Variants in STX8 observed in about 807,000 individuals in gnomAD.
The protein encoded by STX8 is syntaxin 8, also known as syntaxin-8.
STX8 carries 23 observed loss-of-function variants against 37.5 expected under a neutral mutation model. That is an observed-to-expected ratio of 0.61 (90% CI 0.44 to 0.87). STX8 has a LOEUF of 0.87. STX8 is among the 40% of genes least tolerant of loss of function. The pLI is 0.00. For synonymous variants in STX8, 115 were observed against 99.1 expected (o/e 1.16, Z -0.95); for missense variants, 313 against 284.7 (o/e 1.10, Z -0.71).
chr17:9,544,726 C>T (rs1176707793), intron 4 of STX8, among the ~76,000 whole-genome samples: 1 of 152,200 alleles, frequency 6.6e-6, no homozygotes, highest in Non-Finnish European at 1.5e-5. Flanking sequence ...GGCGCAGTGG[C>T]TCACACCTGT....
intron 6 of STX8, among the ~76,000 whole-genome samples, chr17:9,433,341 A>T (rs9916292): frequency 6.6e-6 from 1 of 152,120 alleles, no homozygotes; most frequent in Non-Finnish European, 1.5e-5. Flanking sequence ...TTTCCACTTC[A>T]TAGCTTTGTC....
At chr17:9,294,634 T>G (rs1179463775) in intron 7 of STX8, among the ~76,000 whole-genome samples, 1 of 152,062 alleles carries the variant, frequency 6.6e-6, no homozygotes, top group East Asian at 1.9e-4. Context: ...CAGAGGAGGG[T>G]ACTTCATTGA....
intron 6 of STX8, among the ~76,000 whole-genome samples, chr17:9,419,040 C>T (rs1305411942): frequency 6.6e-6 from 1 of 151,410 alleles, no homozygotes; most frequent in Non-Finnish European, 1.5e-5. Flanking sequence ...CCTCCCACTT[C>T]AGCCTCCTTA....
chr17:9,448,410 T>C (rs1310962344), intron 6 of STX8, among the ~76,000 whole-genome samples: 1 of 152,182 alleles, frequency 6.6e-6, no homozygotes, highest in Non-Finnish European at 1.5e-5. Context: ...TGCAAACAAG[T>C]GTCCTTTCGG....
At chr17:9,416,530 G>T (rs369533664) in intron 6 of STX8, among the ~76,000 whole-genome samples, 1 of 152,028 alleles carries the variant, frequency 6.6e-6, no homozygotes, top group South Asian at 2.1e-4. Flanking sequence ...CACCACGCCC[G>T]GCTAATTTTT....
In STX8 at chr17:9,562,247, C is replaced by CA. The variant is rs901484364; in HGVS notation, c.118-4720dup. On this transcript the variant is annotated intron_variant, in intron 2 of 7. Transcript: ENST00000306357. ...TGAAACCCCGTCTCTACTAAAAATA[C>CA]AAAAAAAAATTAGCCGGGCATGGTG... Among the ~76,000 whole-genome samples the CA allele has an allele frequency of 2.5e-4, 37 of 149,860 alleles. 1 individual carries two copies. The highest frequency in any genetic ancestry group is 1.1e-3 in the South Asian group (5 of 4,730).
chr17:9,365,434 A>G (rs796740588), intron 7 of STX8, among the ~76,000 whole-genome samples: 1 of 152,252 alleles, frequency 6.6e-6, no homozygotes, highest in Non-Finnish European at 1.5e-5. Context: ...AATAGGAAGC[A>G]TGGAAGAGGA....
At chr17:9,559,486 T>A (rs1597743472) in intron 2 of STX8, among the ~76,000 whole-genome samples, 1 of 151,154 alleles carries the variant, frequency 6.6e-6, no homozygotes, top group Admixed American at 6.6e-5. Flanking sequence ...AATAAACATA[T>A]GATTAGTACA....
intron 6 of STX8, among the ~76,000 whole-genome samples, chr17:9,420,630 C>T (rs72816190): frequency 0.099 from 15,040 of 152,220 alleles, 960 homozygotes; most frequent in Non-Finnish European, 0.15. Context: ...CCTTTCAACA[C>T]CAACCTTCTT....
intron 4 of STX8, among the ~76,000 whole-genome samples, chr17:9,513,967 A>G (rs921351966): frequency 1.6e-4 from 24 of 152,218 alleles, no homozygotes; most frequent in African/African-American, 5.5e-4. Flanking sequence ...AGAAGCTAAA[A>G]ACAAAAGTTG....
intron 6 of STX8, among the ~76,000 whole-genome samples, chr17:9,453,211 C>A (rs189220175): frequency 6.6e-6 from 1 of 152,112 alleles, no homozygotes; most frequent in African/African-American, 2.4e-5. Context: ...AACTCACTGA[C>A]CCTGGTTCAT....
chr17:9,344,410 G>A (rs986462982), intron 7 of STX8, among the ~76,000 whole-genome samples: 41 of 151,998 alleles, frequency 2.7e-4, no homozygotes, highest in African/African-American at 8.9e-4. Flanking sequence ...ACAGGCGTCC[G>A]CCACCACACC....
intron 2 of STX8, among the ~76,000 whole-genome samples, chr17:9,561,802 G>T (rs1907246567): frequency 6.6e-6 from 1 of 151,716 alleles, no homozygotes; most frequent in African/African-American, 2.4e-5. Flanking sequence ...ATGTCATTCT[G>T]CAATATATGT....
In STX8 at chr17:9,473,262, G is replaced by A. The variant is rs754827656; in HGVS notation, c.541+18567C>T. Among the ~76,000 whole-genome samples the A allele has an allele frequency of 7.2e-5, 11 of 152,012 alleles. 1 individual carries two copies. Among genetic ancestry groups the A allele is most frequent in the Admixed American group, 2.6e-4 (4 of 15,256 alleles). ...TCGAACTCCTGACCTCCAGTGATCT[G>A]CCCGTCTTGGCCTCCCAAAGTGCTG... is the stretch of plus-strand genomic sequence containing the variant. On this transcript the variant is annotated intron_variant, in intron 6 of 7. Transcript: ENST00000306357.
chr17:9,288,508 A>G (rs1187251381), intron 7 of STX8, among the ~76,000 whole-genome samples: 1 of 151,664 alleles, frequency 6.6e-6, no homozygotes, highest in Non-Finnish European at 1.5e-5. Flanking sequence ...AAAATGACAA[A>G]AAAATTAGCC....
intron 6 of STX8, among the ~76,000 whole-genome samples, chr17:9,388,400 A>T (rs192101291): frequency 0.011 from 1,675 of 152,086 alleles, 9 homozygotes; most frequent in Admixed American, 0.017. Flanking sequence ...AAGTTATAAA[A>T]ATTATTCAAT....
intron 6 of STX8, among the ~76,000 whole-genome samples, chr17:9,426,790 G>A (rs954886979): frequency 4.0e-5 from 6 of 151,740 alleles, no homozygotes; most frequent in African/African-American, 9.7e-5. Flanking sequence ...GAATGATGGT[G>A]GTAAAATTTA....
At chr17:9,511,050 T>A (rs1339527242) in intron 4 of STX8, among the ~76,000 whole-genome samples, 1 of 152,064 alleles carries the variant, frequency 6.6e-6, no homozygotes, top group Non-Finnish European at 1.5e-5. Context: ...CTATCAAGAT[T>A]GAACCAAGAA....
intron 6 of STX8, among the ~76,000 whole-genome samples, chr17:9,490,470 C>T (rs955234332): frequency 5.3e-5 from 8 of 152,138 alleles, no homozygotes; most frequent in Non-Finnish European, 1.0e-4. Flanking sequence ...CTCCTGGGTT[C>T]TAGCAATTCT....
Sources: gnomAD v4.1 joint callset for allele counts (sites outside exome capture counted in the v4.1 genomes callset) on GRCh38, gnomAD v4.1.1 for gene constraint, MANE v1.5 for transcripts, NCBI Gene and HGNC (gene_info 2026-07-23, HGNC 2026-07-21) for gene names.